The following MAST4 variants were observed in gnomAD, a reference collection of about 807,000 sequenced individuals.
MAST4 encodes microtubule-associated serine/threonine-protein kinase 4.
MAST4 carries 89 observed loss-of-function variants against 162.7 expected under a neutral mutation model. The observed-to-expected ratio is 0.55, with a 90% confidence interval of 0.46 to 0.65. The LOEUF is 0.65. Ranked by LOEUF, MAST4 falls within the 30% of genes least tolerant of loss-of-function variation. The pLI is 0.00. For missense variants in MAST4, 3,153 were observed against 3,374.0 expected (o/e 0.93, Z 1.62); for synonymous variants, 1,479 against 1,361.1 (o/e 1.09, Z -1.91).
At position 67,166,192 on chromosome 5, in the gene MAST4, C is replaced by T. The variant is rs527395898; in HGVS notation, c.7013C>T (p.Thr2338Ile). The T allele has an allele frequency of 1.9e-6, 3 of 1,554,038 alleles. No individual in the cohort carries two copies. Among genetic ancestry groups the T allele is most frequent in the Admixed American group, 3.9e-5 (2 of 51,110 alleles). ...TCTCCAAAGCACCCCAAACCATCCA[C>T]TGTGAAAGATTGCCCCACCCTGTGC... Reference protein sequence around the residue: ...TLSPKHPKPSTVKDCPTLCKQ... With the variant: ...TLSPKHPKPSIVKDCPTLCKQ... The change falls in exon 29 of 29, where the codon ACT (threonine) becomes ATT (isoleucine). Residue 2338 changes from threonine (T) to isoleucine (I), a missense_variant. Thr to Ile is a moderately conservative substitution (Grantham distance 89). Around this residue, in one of 7 missense-constraint regions of MAST4, gnomAD observed 1,644 missense variants for 1,495.0 expected, o/e 1.10. Transcript: ENST00000403625.
chr5:67,162,549 G>C, intron 27 of MAST4, 58 bp from the exon 28 acceptor site: 1 of 1,509,916 alleles, frequency 6.6e-7, no homozygotes, highest in Admixed American at 1.7e-5. Context: ...ATGGTATTTT[G>C]GGGAGGCAGC....
chr5:67,040,354 A>G (rs981079093), intron 4 of MAST4, among the ~76,000 whole-genome samples: 2 of 152,168 alleles, frequency 1.3e-5, no homozygotes, highest in African/African-American at 4.8e-5. Context: ...TTGGGCAGGC[A>G]TAAGGAAGGA....
At chr5:66,641,834 C>CA (rs977063795) in intron 1 of MAST4, among the ~76,000 whole-genome samples, 1 of 151,820 alleles carries the variant, frequency 6.6e-6, no homozygotes, top group Non-Finnish European at 1.5e-5. Flanking sequence ...AAAATTATAC[C>CA]AAAAAAACCT....
chr5:66,871,167 AG>A (rs924384779), intron 3 of MAST4, among the ~76,000 whole-genome samples: 4 of 152,174 alleles, frequency 2.6e-5, no homozygotes, highest in African/African-American at 9.7e-5. Context: ...AGCTGGGAAG[AG>A]AGGCCCAGTG....
At position 66,837,856 on chromosome 5, in the gene MAST4, A is replaced by G. The variant is rs1192671922; in HGVS notation, c.642+49062A>G. The stretch of plus-strand genomic sequence containing the variant: ...TCCTTTCTATCAAGTCTCAAGTGAG[A>G]CTTGATTTTATATATATATATATAT... On this transcript the variant is annotated intron_variant, in intron 3 of 28. Transcript: ENST00000403625. 2.4e-5 allele frequency among the ~76,000 whole-genome samples: 3 copies of G among 124,842 alleles called. No homozygotes were observed. The East Asian group carries it at 7.3e-4, about 30-fold the overall frequency. 81.9% of individuals were successfully genotyped at this position (124,842 alleles called of 152,430 possible). A position where few individuals can be genotyped will look rare whatever the true frequency, so the allele number is the denominator to read the frequency against.
chr5:66,745,863 T>C lies in MAST4; in HGVS notation c.364-13846T>C, dbSNP rs914927533. Among the ~76,000 whole-genome samples the C allele has an allele frequency of 3.9e-5, 6 of 152,308 alleles. No homozygotes were observed. The East Asian group carries it at 1.2e-3, about 29-fold the overall frequency. On this transcript the variant is annotated intron_variant, in intron 1 of 28. Coordinates refer to ENST00000403625, the MANE Select transcript of MAST4 (RefSeq NM_001164664.2). ...CATAGTAGACATTTGGGTAAACAAA[T>C]TTTTTTAAAGCAATTCTGGGTTGAT...
At chr5:66,793,421 C>T (rs752694274) in intron 3 of MAST4, among the ~76,000 whole-genome samples, 11 of 152,178 alleles carry the variant, frequency 7.2e-5, no homozygotes, top group Non-Finnish European at 7.3e-5. Flanking sequence ...TGTCCCTCCC[C>T]ACACACATGG....
chr5:67,091,247 G>A (rs559776935), intron 6 of MAST4, among the ~76,000 whole-genome samples: 1 of 152,288 alleles, frequency 6.6e-6, no homozygotes, highest in African/African-American at 2.4e-5. Context: ...AAAAAAAGTT[G>A]CGGCATTTTC....
intron 4 of MAST4, among the ~76,000 whole-genome samples, chr5:66,985,300 T>C (rs1018799490): frequency 6.6e-6 from 1 of 152,096 alleles, no homozygotes; most frequent in Admixed American, 6.5e-5. Context: ...GCACAGACCA[T>C]GGAATTAAAG....
rs1763104237 is a variant in MAST4, at chr5:66,902,934, G to A, written c.674+2952G>A. The stretch of plus-strand genomic sequence containing the variant: ...CCTATCCCCCTCCTTCCAGCTACCT[G>A]TCAAAATCGTGATATAGTCAGATAA... On this transcript the variant is annotated intron_variant, in intron 4 of 28. Transcript: ENST00000403625. Among the ~76,000 whole-genome samples, 6 of 151,994 alleles carry A rather than the reference G, an allele frequency of 3.9e-5. No individual in the cohort carries two copies. The South Asian group carries it at 1.2e-3, about 32-fold the overall frequency.
intron 1 of MAST4, among the ~76,000 whole-genome samples, chr5:66,700,894 T>G (rs952593810): frequency 6.6e-6 from 1 of 151,868 alleles, no homozygotes; most frequent in Non-Finnish European, 1.5e-5. Context: ...TTGTATAAAA[T>G]GGATTGCTTA....
intron 1 of MAST4, among the ~76,000 whole-genome samples, chr5:66,677,144 A>G (rs558326012): frequency 1.8e-4 from 28 of 152,348 alleles, no homozygotes; most frequent in African/African-American, 5.8e-4. Flanking sequence ...AAGTTTTAAA[A>G]GTGGTATTTT....
At chr5:66,658,036 G>C in intron 1 of MAST4, among the ~76,000 whole-genome samples, 1 of 152,190 alleles carries the variant, frequency 6.6e-6, no homozygotes, top group East Asian at 1.9e-4. Context: ...GGATACTAGT[G>C]AACTTTGGAT....
chr5:66,868,093 A>C (rs565122489), intron 3 of MAST4, among the ~76,000 whole-genome samples: 1 of 152,348 alleles, frequency 6.6e-6, no homozygotes, highest in African/African-American at 2.4e-5. Context: ...CTGTGATACC[A>C]CTTATGAGAG....
intron 3 of MAST4, among the ~76,000 whole-genome samples, chr5:66,877,371 C>A (rs572039546): frequency 6.6e-6 from 1 of 152,214 alleles, no homozygotes; most frequent in Non-Finnish European, 1.5e-5. Flanking sequence ...ATCTGTACAG[C>A]AACCTGAGGA....
intron 1 of MAST4, among the ~76,000 whole-genome samples, chr5:66,749,988 A>C (rs1185585798): frequency 6.6e-6 from 1 of 152,246 alleles, no homozygotes; most frequent in Non-Finnish European, 1.5e-5. Context: ...ATTGGGTGGC[A>C]GGGATGAGAG....
At chr5:66,635,353 A>C (rs895001991) in intron 1 of MAST4, among the ~76,000 whole-genome samples, 2 of 152,194 alleles carry the variant, frequency 1.3e-5, no homozygotes, top group African/African-American at 4.8e-5. Flanking sequence ...CAATTCTGTT[A>C]TGTTCCTGGA....
At chr5:66,715,539 A>G (rs57374220) in intron 1 of MAST4, among the ~76,000 whole-genome samples, 30,245 of 124,054 alleles carry the variant, frequency 0.24, 4,215 homozygotes, top group East Asian at 0.54. Context: ...GGGAGGGGGG[A>G]GGTATAGCAT....
At chr5:66,883,733 A>C (rs116339071) in intron 3 of MAST4, among the ~76,000 whole-genome samples, 65 of 152,206 alleles carry the variant, frequency 4.3e-4, no homozygotes, top group Middle Eastern at 3.4e-3. Flanking sequence ...GGCTTTTATA[A>C]ACACATGGAC....
Sources: gnomAD v4.1 joint callset for allele counts (sites outside exome capture counted in the v4.1 genomes callset) on GRCh38, gnomAD v4.1.1 for gene constraint, gnomAD v4.1.1 regional missense constraint, MANE v1.5 for transcripts, NCBI Gene and HGNC (gene_info 2026-07-23, HGNC 2026-07-21) for gene names.